The following ZNF775 variants were observed in gnomAD, a reference collection of about 807,000 sequenced individuals.
ZNF775 encodes the protein zinc finger protein 775.
ZNF775 carries 1 observed loss-of-function variant against 2.4 expected under a neutral mutation model. The ratio of observed to expected loss-of-function variants is 0.41; its 90% CI spans 0.15 to 1.94. The LOEUF is 1.94. Ranked by LOEUF, ZNF775 falls within the 30% of genes most tolerant of loss-of-function variation. The probability of loss-of-function intolerance (pLI) is 0.30; values close to 1 mark genes in which losing one functional copy is unlikely to be tolerated. For missense variants in ZNF775, 823 were observed against 826.6 expected (o/e 1.00, Z 0.05); for synonymous variants, 381 against 373.3 (o/e 1.02, Z -0.24).
intron 1 of ZNF775, among the ~76,000 whole-genome samples, chr7:150,380,369 T>A (rs1800339952): frequency 6.6e-6 from 1 of 152,214 alleles, no homozygotes; most frequent in Non-Finnish European, 1.5e-5. Context: ...AGAAGGACCC[T>A]GTGTTAAGAT....
At chr7:150,379,594 C>CT (rs1800325644) in intron 1 of ZNF775, among the ~76,000 whole-genome samples, 1 of 152,084 alleles carries the variant, frequency 6.6e-6, no homozygotes, top group African/African-American at 2.4e-5. Flanking sequence ...AGCGTTCCCT[C>CT]TGCCCCGACA....
At chr7:150,390,401 C>T (rs1800542573) in intron 2 of ZNF775, among the ~76,000 whole-genome samples, 1 of 152,218 alleles carries the variant, frequency 6.6e-6, no homozygotes, top group Non-Finnish European at 1.5e-5. Flanking sequence ...CCACAGTCAT[C>T]TTTCTGGCTG....
At position 150,397,597 on chromosome 7, in the gene ZNF775, T is replaced by C. The variant is rs1183791030; in HGVS notation, c.1116T>C (p.Gly372=). 4 of 1,458,858 alleles carry C rather than the reference T, an allele frequency of 2.7e-6. No homozygotes were observed. The highest frequency in any genetic ancestry group is 3.0e-5 in the African/African-American group (2 of 66,234). 90.4% of individuals were successfully genotyped at this position (1,458,858 alleles called of 1,614,324 possible). ...AGGCTGCGCCCTGCCCCAGCTGCGGTAAGAGCTGCCGCAGCCGCGCCGCGC... is the reference window on the plus strand; with the variant it reads ...AGGCTGCGCCCTGCCCCAGCTGCGGCAAGAGCTGCCGCAGCCGCGCCGCGC... ...GAQAAPCPSC[G]KSCRSRAALR... Residue 372 remains glycine (G), a synonymous_variant, in exon 3 of 3, where the codon GGT becomes GGC. Coordinates refer to ENST00000329630, the MANE Select transcript of ZNF775 (RefSeq NM_173680.4).
At chr7:150,390,395 A>G (rs4269440) in intron 2 of ZNF775, among the ~76,000 whole-genome samples, 63,779 of 151,988 alleles carry the variant, frequency 0.42, 13,842 homozygotes, top group Admixed American at 0.49. Context: ...TCTGGCCCAC[A>G]GTCATCTTTC....
At chr7:150,380,177 TC>T (rs1040092221) in intron 1 of ZNF775, 4 of 152,194 alleles carry the variant, frequency 2.6e-5, no homozygotes, top group African/African-American at 9.7e-5. Flanking sequence ...AGCTAACTGT[TC>T]CCATGTTCAT....
rs1433096328 is a variant in ZNF775, at chr7:150,388,481, G to T, written c.11G>T (p.Gly4Val). The change falls in exon 2 of 3, where the codon GGC becomes GTC. Residue 4 changes from glycine to valine, a missense_variant. Transcript: ENST00000329630. ...GGGAGGCCTCCAGGGATGGAGAGTG[G>T]CCTGGCTGGCAACGGCACAGGTAAG... The part of the protein sequence containing the change: MES[G>V]LAGNGTGAGL... 6 of 1,551,738 alleles carry T rather than the reference G, an allele frequency of 3.9e-6. No individual in the cohort carries two copies. Among genetic ancestry groups the T allele is most frequent in the Admixed American group, 2.0e-5 (1 of 51,004 alleles).
At position 150,396,550 on chromosome 7, in the gene ZNF775, G is replaced by A. The variant is rs770299004; in HGVS notation, c.69G>A (p.Pro23=). The A allele has an allele frequency of 1.0e-5, 16 of 1,603,590 alleles. No homozygotes were observed. The highest frequency in any genetic ancestry group is 6.7e-5 in the South Asian group (6 of 89,134). ...GLVMKVKQEK[P]ERLLQTLAPQ... is the part of the protein sequence containing the mutation. ...TGATGAAGGTCAAGCAGGAGAAGCC[G>A]GAGCGGCTGCTGCAGACGCTGGCGC... The change falls in exon 3 of 3, where the codon CCG becomes CCA. Residue 23 remains proline (P), a synonymous_variant. Coordinates refer to ENST00000329630, the MANE Select transcript of ZNF775 (RefSeq NM_173680.4).
chr7:150,393,956 C>T (rs1478178581), intron 2 of ZNF775, among the ~76,000 whole-genome samples: 1 of 152,250 alleles, frequency 6.6e-6, no homozygotes, highest in African/African-American at 2.4e-5. Flanking sequence ...TGGCATGAGC[C>T]ACTCTGCCCG....
Position 150,397,491 on chromosome 7 carries a change from A to C in ZNF775, c.1010A>C (p.His337Pro). ...HLRNHTGERP[H>P]PCPHCGRGFR... is the part of the protein sequence containing the mutation. ...CGCAACCACACAGGCGAGCGCCCGC[A>C]CCCCTGCCCGCACTGTGGCCGCGGC... The change falls in exon 3 of 3, where the codon CAC becomes CCC. Residue 337 changes from histidine (H) to proline (P), a missense_variant. His to Pro is a moderately conservative substitution (Grantham distance 77, BLOSUM62 -2). Transcript: ENST00000329630. The C allele has an allele frequency of 1.9e-6, 3 of 1,583,412 alleles. No individual in the cohort carries two copies. Among genetic ancestry groups the C allele is most frequent in the East Asian group, 2.3e-5 (1 of 43,874 alleles).
intron 2 of ZNF775, among the ~76,000 whole-genome samples, chr7:150,395,156 T>A (rs1196695344): frequency 2.6e-5 from 4 of 152,248 alleles, no homozygotes. Flanking sequence ...TTCTACCTAC[T>A]CTTGGGTCAG....
intron 1 of ZNF775, among the ~76,000 whole-genome samples, chr7:150,387,159 G>A (rs997707770): frequency 2.6e-5 from 4 of 152,020 alleles, no homozygotes; most frequent in Non-Finnish European, 5.9e-5. Context: ...GCTGGGTGTG[G>A]TGGCGCACAC....
chr7:150,384,773 G>C lies in ZNF775; in HGVS notation c.-49-3649G>C, dbSNP rs904295641. On this transcript the variant is annotated intron_variant, in intron 1 of 2. Transcript: ENST00000329630. The surrounding 1 kb of genome is among the most constrained non-coding windows in gnomAD (Gnocchi z 4.1). ...GTATGGCCCGAGACAGAGGCACCGAGGCTTGAGGGAGGAGCTGCTCTGGGA... is the reference window on the plus strand; with the variant it reads ...GTATGGCCCGAGACAGAGGCACCGACGCTTGAGGGAGGAGCTGCTCTGGGA... 6.6e-6 allele frequency among the ~76,000 whole-genome samples: 1 copy of C among 152,214 alleles called. No homozygotes were observed. Among genetic ancestry groups the C allele is most frequent in the African/African-American group, 2.4e-5 (1 of 41,452 alleles).
intron 1 of ZNF775, among the ~76,000 whole-genome samples, chr7:150,383,215 A>G (rs1015217608): frequency 2.6e-5 from 4 of 152,190 alleles, no homozygotes; most frequent in Non-Finnish European, 1.5e-5. Context: ...TTTAAATTAA[A>G]AACATCTGCT....
intron 2 of ZNF775, among the ~76,000 whole-genome samples, chr7:150,395,687 G>C (rs1800634906): frequency 6.6e-6 from 1 of 152,180 alleles, no homozygotes; most frequent in African/African-American, 2.4e-5. Context: ...TTTCTTTATG[G>C]CTTCTTATTC....
Position 150,398,124 on chromosome 7 carries a change from G to T in ZNF775, c.*29G>T, listed in dbSNP as rs1352805536. 1 of 1,534,800 alleles carries T rather than the reference G, an allele frequency of 6.5e-7. No homozygotes were observed. The highest frequency in any genetic ancestry group is 1.2e-5 in the South Asian group (1 of 84,074). On this transcript the variant is annotated 3_prime_UTR_variant, in exon 3 of 3. Transcript: ENST00000329630. ...ACTGGACCTCAGCGGACCCGTGGTG[G>T]TGCGGGGGATGTTTGCGGGGTGTGT...
chr7:150,387,809 C>CAAA, intron 1 of ZNF775, among the ~76,000 whole-genome samples: 1 of 148,880 alleles, frequency 6.7e-6, no homozygotes, highest in South Asian at 2.1e-4. Context: ...GACTCCATCT[C>CAAA]AAAAAAAAAA....
chr7:150,392,533 T>C (rs1800576344), intron 2 of ZNF775, among the ~76,000 whole-genome samples: 1 of 145,348 alleles, frequency 6.9e-6, no homozygotes, highest in African/African-American at 2.7e-5. Context: ...ATTTTCTTTT[T>C]TTCCCAAATG....
rs1800728204 is a variant in ZNF775 at position 150,398,529 on chromosome 7, G to A, written c.*434G>A. The A allele has an allele frequency of 5.6e-6, 1 of 179,088 alleles. No homozygotes were observed. The highest frequency in any genetic ancestry group is 2.4e-5 in the African/African-American group (1 of 42,254). 11.1% of individuals were successfully genotyped at this position (179,088 alleles called of 1,614,324 possible). A position where few individuals can be genotyped will look rare whatever the true frequency, so the allele number is the denominator to read the frequency against. On this transcript the variant is annotated 3_prime_UTR_variant, in exon 3 of 3. Transcript: ENST00000329630. ...AGTTGCCAAGACTCGGCGATACCAA[G>A]GATGGAAGCCAGAGGCTGTGGCGAG... is the stretch of plus-strand genomic sequence containing the variant.
At chr7:150,379,749 C>T (rs1314742054) in intron 1 of ZNF775, 5 of 152,354 alleles carry the variant, frequency 3.3e-5, no homozygotes, top group Non-Finnish European at 7.3e-5. Flanking sequence ...TGGGCTGTCC[C>T]GTTGTTCCGA....
Sources: gnomAD v4.1 joint callset for allele counts (sites outside exome capture counted in the v4.1 genomes callset) on GRCh38, gnomAD v4.1.1 for gene constraint, Gnocchi (gnomAD v3.1) non-coding constraint, MANE v1.5 for transcripts, NCBI Gene and HGNC (gene_info 2026-07-23, HGNC 2026-07-21) for gene names.